JAKMIP2: variants seen among roughly 807,000 people sequenced by gnomAD.
JAKMIP2 encodes janus kinase and microtubule-interacting protein 2.
A neutral mutation model predicts 115.0 loss-of-function variants in JAKMIP2; 25 were observed. That is an observed-to-expected ratio of 0.22 (90% CI 0.16 to 0.30). The LOEUF (loss-of-function observed/expected upper bound fraction) is 0.30. Among genes scored for constraint, JAKMIP2 ranks in the 10% least tolerant of loss-of-function variants. JAKMIP2 has a pLI of 1.00. For missense variants in JAKMIP2, 642 were observed against 957.6 expected (o/e 0.67, Z 4.35); for synonymous variants, 334 against 343.6 (o/e 0.97, Z 0.31).
intron 1 of JAKMIP2, among the ~76,000 whole-genome samples, chr5:147,744,689 T>C (rs914177831): frequency 6.6e-6 from 1 of 152,118 alleles, no homozygotes; most frequent in Non-Finnish European, 1.5e-5. Flanking sequence ...ATATAAACAT[T>C]TAAAATGGGT....
rs770514431 is a variant in JAKMIP2, at chr5:147,639,776, A to G, written c.1402-16T>C. The stretch of plus-strand genomic sequence containing the variant: ...CTGCTAAACTCTTGAGGTTAAGAAA[A>G]AAAGCCCCAAAACAATTGTGTTATG... On this transcript the variant is annotated splice_polypyrimidine_tract_variant and intron_variant, in intron 9 of 21. Coordinates refer to ENST00000616793, the MANE Select transcript of JAKMIP2 (RefSeq NM_001270941.2). The G allele has an allele frequency of 1.6e-5, 25 of 1,609,886 alleles. 1 individual carries two copies. The highest frequency in any genetic ancestry group is 3.4e-5 in the Admixed American group (2 of 59,042).
intron 2 of JAKMIP2, among the ~76,000 whole-genome samples, chr5:147,662,589 C>G (rs145475217): frequency 2.6e-5 from 4 of 152,012 alleles, no homozygotes; most frequent in African/African-American, 9.7e-5. Flanking sequence ...CCTCCTCCCC[C>G]ACTTCATCTC....
intron 3 of JAKMIP2, among the ~76,000 whole-genome samples, chr5:147,653,192 T>G (rs1339311619): frequency 6.6e-6 from 1 of 152,150 alleles, no homozygotes; most frequent in Non-Finnish European, 1.5e-5. Flanking sequence ...TGCCTTTTAG[T>G]AGAATGATTT....
chr5:147,750,983 A>G (rs183489928), intron 1 of JAKMIP2, among the ~76,000 whole-genome samples: 1 of 152,332 alleles, frequency 6.6e-6, no homozygotes, highest in African/African-American at 2.4e-5. Context: ...CGGCAGCCCA[A>G]GTAGAATCAT....
Position 147,661,909 on chromosome 5 carries a change from A to G in JAKMIP2, c.130-464T>C, listed in dbSNP as rs141498671. 5 of 164,286 alleles carry G rather than the reference A, an allele frequency of 3.0e-5. No individual in the cohort carries two copies. In the East Asian group the frequency reaches 8.9e-4, roughly 29 times the overall value. The allele number at this position is 164,286 out of a possible 1,614,324, so 10.2% of individuals were successfully genotyped here. On this transcript the variant is annotated intron_variant, in intron 2 of 21. Coordinates refer to ENST00000616793, the MANE Select transcript of JAKMIP2 (RefSeq NM_001270941.2). ...AAACAGATCGCCTGGAGAGCTTTTTAGACTACACAACCCTAGCTAGATCCA... is the reference window on the plus strand; with the variant it reads ...AAACAGATCGCCTGGAGAGCTTTTTGGACTACACAACCCTAGCTAGATCCA...
chr5:147,692,043 G>A (rs192551892), intron 1 of JAKMIP2, among the ~76,000 whole-genome samples: 14 of 152,212 alleles, frequency 9.2e-5, no homozygotes, highest in African/African-American at 3.4e-4. Context: ...GTTGAGTCAC[G>A]TCCCTCAAAA....
At chr5:147,649,389 A>C (rs188910810) in intron 4 of JAKMIP2, among the ~76,000 whole-genome samples, 1 of 152,280 alleles carries the variant, frequency 6.6e-6, no homozygotes, top group East Asian at 1.9e-4. Context: ...TATCTCTTCT[A>C]ATCTTTAGAC....
chr5:147,762,204 T>C (rs1329257259), intron 1 of JAKMIP2, among the ~76,000 whole-genome samples: 3 of 152,184 alleles, frequency 2.0e-5, no homozygotes, highest in Admixed American at 2.0e-4. Context: ...CATTCTAGTA[T>C]ATTTTTTAGT....
chr5:147,759,047 A>G (rs968549016), intron 1 of JAKMIP2, among the ~76,000 whole-genome samples: 17 of 152,048 alleles, frequency 1.1e-4, no homozygotes, highest in African/African-American at 4.1e-4. Context: ...AGAGGCAACA[A>G]ATTTTAAGGG....
chr5:147,668,520 G>A (rs1296165554), intron 2 of JAKMIP2, among the ~76,000 whole-genome samples: 1 of 152,244 alleles, frequency 6.6e-6, no homozygotes, highest in Admixed American at 6.5e-5. Flanking sequence ...CACAGGGTTT[G>A]GGGGAAAGCT....
chr5:147,725,415 C>A (rs1465707878), intron 1 of JAKMIP2, among the ~76,000 whole-genome samples: 4 of 152,148 alleles, frequency 2.6e-5, no homozygotes, highest in African/African-American at 9.7e-5. Context: ...ACTCTGTGGA[C>A]TCATCCCGAA....
intron 1 of JAKMIP2, among the ~76,000 whole-genome samples, chr5:147,780,052 T>C (rs1157926486): frequency 6.6e-6 from 1 of 152,184 alleles, no homozygotes; most frequent in African/African-American, 2.4e-5. Context: ...GCTTAGCTTA[T>C]CTGAAACAAA....
intron 13 of JAKMIP2, 79 bp downstream of exon 13, chr5:147,632,601 C>T: frequency 5.6e-6 from 5 of 899,272 alleles, no homozygotes; most frequent in East Asian, 2.4e-5. Context: ...ATGCTTAATA[C>T]AGCGCCTAGC....
At chr5:147,690,001 C>T (rs181384359) in intron 1 of JAKMIP2, among the ~76,000 whole-genome samples, 3 of 152,222 alleles carry the variant, frequency 2.0e-5, no homozygotes, top group Non-Finnish European at 2.9e-5. Context: ...CTAGCCCACA[C>T]CTGTGCAACA....
At chr5:147,600,719 A>G (rs1178866438) in intron 21 of JAKMIP2, among the ~76,000 whole-genome samples, 3 of 151,758 alleles carry the variant, frequency 2.0e-5, no homozygotes, top group Admixed American at 6.6e-5. Context: ...CCCTCTCTCT[A>G]TCTCCCTCTA....
intron 1 of JAKMIP2, among the ~76,000 whole-genome samples, chr5:147,711,614 G>A (rs1269138640): frequency 2.6e-5 from 4 of 152,278 alleles, no homozygotes; most frequent in Middle Eastern, 6.8e-3. Context: ...ATGGGTCTTT[G>A]AGGAGATTAA....
intron 1 of JAKMIP2, among the ~76,000 whole-genome samples, chr5:147,674,810 C>T (rs183182685): frequency 2.0e-5 from 3 of 152,150 alleles, no homozygotes; most frequent in African/African-American, 4.8e-5. Flanking sequence ...AATCTGAGAC[C>T]GGGAACCAAG....
intron 20 of JAKMIP2, among the ~76,000 whole-genome samples, chr5:147,604,358 A>G (rs1418963421): frequency 1.3e-5 from 2 of 152,168 alleles, no homozygotes; most frequent in Non-Finnish European, 2.9e-5. Flanking sequence ...AAGTGACCTC[A>G]TTTGTTCCTC....
At chr5:147,645,299 G>A (rs918836082) in intron 5 of JAKMIP2, among the ~76,000 whole-genome samples, 5 of 152,084 alleles carry the variant, frequency 3.3e-5, no homozygotes, top group East Asian at 1.9e-4. Flanking sequence ...GCTTTCTTTC[G>A]CTTCCCCGAC....
Sources: allele counts gnomAD v4.1 joint callset (sites outside exome capture counted in the v4.1 genomes callset), GRCh38; gene constraint gnomAD v4.1.1; transcripts MANE v1.5; gene names NCBI Gene and HGNC (gene_info 2026-07-23, HGNC 2026-07-21).